The following YIPF7 variants were observed in gnomAD, a reference collection of about 807,000 sequenced individuals.
YIPF7 encodes the protein Yip1 domain family member 7, also known as protein YIPF7.
In YIPF7, 35 loss-of-function variants were observed where a neutral mutation model predicts 27.2. The ratio of observed to expected loss-of-function variants is 1.29; its 90% confidence interval spans 0.98 to 1.70. The LOEUF (loss-of-function observed/expected upper bound fraction) is 1.70, where lower values mean the gene tolerates loss of function less well. YIPF7 is among the 40% of genes most tolerant of loss of function. YIPF7 has a pLI of 0.00. For missense variants in YIPF7, 358 were observed against 303.7 expected (o/e 1.18, Z -1.33); for synonymous variants, 137 against 110.4 (o/e 1.24, Z -1.51).
intron 2 of YIPF7, among the ~76,000 whole-genome samples, chr4:44,647,572 TCAAA>T: frequency 6.6e-6 from 1 of 152,288 alleles, no homozygotes; most frequent in South Asian, 2.1e-4. Context: ...TCCCTGTGCC[TCAAA>T]CATTTTCCTG....
chr4:44,656,377 T>C (rs61004138), upstream of YIPF7, among the ~76,000 whole-genome samples: 18,424 of 152,012 alleles, frequency 0.12, 1,331 homozygotes, highest in East Asian at 0.25. Flanking sequence ...ATAAAACTTA[T>C]TCTTACCTCT....
In YIPF7 at chr4:44,629,451, G is replaced by A. The variant is rs1367770466; in HGVS notation, c.378C>T (p.Leu126=). Residue 126 remains leucine (L), a synonymous_variant, in exon 4 of 6, where the codon CTC becomes CTT. Coordinates refer to ENST00000415895, the MANE Select transcript of YIPF7 (RefSeq NM_182592.3). ...VDGSIMNETD[L]TGPILFCVAL... ...CTACGCAAAAAAGAATGGGTCCAGT[G>A]AGGTCCGTTTCATTCATAATGCTGC... is the stretch of plus-strand genomic sequence containing the variant. 2 of 1,602,420 alleles carry A rather than the reference G, an allele frequency of 1.2e-6. No individual in the cohort carries two copies. Among genetic ancestry groups the A allele is most frequent in the Middle Eastern group, 1.7e-4 (1 of 6,044 alleles).
At chr4:44,647,614 C>T (rs1360726428) in intron 2 of YIPF7, among the ~76,000 whole-genome samples, 1 of 152,024 alleles carries the variant, frequency 6.6e-6, no homozygotes, top group Non-Finnish European at 1.5e-5. Context: ...AAGTGTAAAT[C>T]ATAAAAGGCA....
chr4:44,658,237 TATA>T (rs1363350374), intron 2 of YIPF7, among the ~76,000 whole-genome samples: 1 of 152,056 alleles, frequency 6.6e-6, no homozygotes, highest in African/African-American at 2.4e-5. Context: ...TTAGTAATCT[TATA>T]AGAAGAGGCC....
chr4:44,635,934 G>A lies in YIPF7; in HGVS notation c.268C>T (p.Pro90Ser). Residue 90 changes from proline (P) to serine (S), a missense_variant, in exon 3 of 6, where the codon CCT becomes TCT. Physicochemically the swap from Pro to Ser is moderately conservative, Grantham distance 74 (BLOSUM62 -1). Transcript: ENST00000415895. ...TTCCTTAACTTATCTTCTAGCAAAG[G>A]AGGCTCTTCATCAAAACTGTCAATG... ...PYIDSFDEEP[P>S]LLEELGIHFD... 1 of 1,613,570 alleles carries A rather than the reference G, an allele frequency of 6.2e-7. No individual in the cohort carries two copies. The highest frequency in any genetic ancestry group is 1.1e-5 in the South Asian group (1 of 91,036).
At chr4:44,660,123 A>AAAAAAAAAAAAAAAAAAAAAC (rs1560332839) in intron 2 of YIPF7, among the ~76,000 whole-genome samples, 1 of 145,740 alleles carries the variant, frequency 6.9e-6, no homozygotes, top group Non-Finnish European at 1.5e-5. Flanking sequence ...CAAAAAAAAA[A>AAAAAAAAAAAAAAAAAAAAAC]AAAAAAAAAA....
intron 1 of YIPF7, 103 bp downstream of exon 1, chr4:44,651,451 T>C (rs1713736053): frequency 3.2e-6 from 2 of 623,954 alleles, no homozygotes; most frequent in South Asian, 4.1e-5. Flanking sequence ...TTTCATAACA[T>C]GCAAAGCTTT....
At position 44,649,963 on chromosome 4, in the gene YIPF7, A is replaced by C. The variant is rs746858312; in HGVS notation, c.116+22T>G. On this transcript the variant is annotated intron_variant, in intron 2 of 5. Coordinates refer to ENST00000415895, the MANE Select transcript of YIPF7 (RefSeq NM_182592.3). ...AGTGAGACTCTGTCAAAAAAAAAAA[A>C]AGAAAAATATTAAGTACTTACTTTC... The C allele has an allele frequency of 1.8e-5, 24 of 1,324,674 alleles. No homozygotes were observed. The East Asian group carries it at 2.5e-4, about 14-fold the overall frequency. The allele number at this position is 1,324,674 out of a possible 1,614,324, so 82.1% of individuals were successfully genotyped here. A position where few individuals can be genotyped will look rare whatever the true frequency, so the allele number is the denominator to read the frequency against.
intron 2 of YIPF7, among the ~76,000 whole-genome samples, chr4:44,645,308 G>GAAA: frequency 6.6e-6 from 1 of 152,080 alleles, no homozygotes. Context: ...CACCAACTCT[G>GAAA]AATGGCTATG....
chr4:44,646,749 G>A (rs1193114134), intron 2 of YIPF7, among the ~76,000 whole-genome samples: 1 of 152,032 alleles, frequency 6.6e-6, no homozygotes, highest in Non-Finnish European at 1.5e-5. Flanking sequence ...ATACACCATT[G>A]AGCCAAACAG....
chr4:44,631,452 G>A (rs1712895305), intron 3 of YIPF7, among the ~76,000 whole-genome samples: 1 of 152,012 alleles, frequency 6.6e-6, no homozygotes, highest in African/African-American at 2.4e-5. Context: ...ACTACAACAT[G>A]GACTTCTAAT....
At chr4:44,650,602 C>T (rs960002462) in intron 1 of YIPF7, among the ~76,000 whole-genome samples, 24 of 152,026 alleles carry the variant, frequency 1.6e-4, no homozygotes, top group African/African-American at 5.6e-4. Context: ...AAACCAAAAC[C>T]CTACAAACCC....
intron 5 of YIPF7, among the ~76,000 whole-genome samples, chr4:44,623,953 C>T (rs888628402): frequency 6.6e-6 from 1 of 152,090 alleles, no homozygotes; most frequent in Admixed American, 6.6e-5. Context: ...ACTTACTCTT[C>T]CAAAATCAAA....
chr4:44,660,113 C>CAAAAAAAA (rs11461675), intron 2 of YIPF7, among the ~76,000 whole-genome samples: 356 of 25,518 alleles, frequency 0.014, 67 homozygotes, highest in African/African-American at 0.031. Flanking sequence ...GACTCTGTCT[C>CAAAAAAAA]AAAAAAAAAA....
At chr4:44,648,023 A>C (rs1214385982) in intron 2 of YIPF7, among the ~76,000 whole-genome samples, 1 of 152,192 alleles carries the variant, frequency 6.6e-6, no homozygotes, top group East Asian at 1.9e-4. Context: ...ACATTTAAAA[A>C]GTCTTTATTT....
At chr4:44,649,078 A>G (rs1452805133) in intron 2 of YIPF7, among the ~76,000 whole-genome samples, 1 of 152,186 alleles carries the variant, frequency 6.6e-6, no homozygotes, top group East Asian at 1.9e-4. Flanking sequence ...TGCATGAGAG[A>G]AAAAACTATG....
chr4:44,651,859 T>C (rs1170741712), upstream of YIPF7, among the ~76,000 whole-genome samples: 1 of 152,194 alleles, frequency 6.6e-6, no homozygotes, highest in Admixed American at 6.5e-5. Flanking sequence ...TATTAAACTC[T>C]GAGGTAAGAT....
intron 3 of YIPF7, among the ~76,000 whole-genome samples, chr4:44,631,773 G>A (rs904153283): frequency 1.3e-5 from 2 of 152,024 alleles, no homozygotes; most frequent in African/African-American, 2.4e-5. Context: ...TGAAAGAGAA[G>A]AAGACTTTAA....
chr4:44,644,013 G>A (rs1713434934), intron 2 of YIPF7, among the ~76,000 whole-genome samples: 1 of 152,152 alleles, frequency 6.6e-6, no homozygotes, highest in African/African-American at 2.4e-5. Context: ...CCCTCACAGT[G>A]CAGCTGTGAG....
Sources: allele counts gnomAD v4.1 joint callset (sites outside exome capture counted in the v4.1 genomes callset), GRCh38; gene constraint gnomAD v4.1.1; transcripts MANE v1.5; gene names NCBI Gene and HGNC (gene_info 2026-07-23, HGNC 2026-07-21).